The following ITGAV variants were observed in gnomAD, a reference collection of about 807,000 sequenced individuals.
The protein encoded by ITGAV is integrin subunit alpha V.
ITGAV carries 76 observed loss-of-function variants against 143.8 expected under a neutral mutation model. The observed-to-expected ratio is 0.53, with a 90% confidence interval of 0.44 to 0.64. The LOEUF (loss-of-function observed/expected upper bound fraction) is 0.64, where lower values mean the gene tolerates loss of function less well. Among genes scored for constraint, ITGAV ranks in the 30% least tolerant of loss-of-function variants. The probability of loss-of-function intolerance (pLI) is 0.00; values close to 1 mark genes in which losing one functional copy is unlikely to be tolerated. For missense variants in ITGAV, 1,193 were observed against 1,274.7 expected, an observed-to-expected ratio of 0.94 and a Z score of 0.98; for synonymous variants, 453 against 446.7, an observed-to-expected ratio of 1.01 and a Z score of -0.18.
Position 186,635,528 on chromosome 2 carries a change from T to C in ITGAV, c.632-554T>C, listed in dbSNP as rs189140901. Among the ~76,000 whole-genome samples the C allele has an allele frequency of 3.4e-3, 514 of 152,292 alleles. 1 individual carries two copies. The highest frequency in any genetic ancestry group is 6.8e-3 in the Middle Eastern group (2 of 294). ...ATGATAAGAGATTACTGTGTCCATA[T>C]TGTGGAGACAACACTTGATAAACCA... On this transcript the variant is annotated intron_variant, in intron 6 of 29. Transcript: ENST00000261023.
chr2:186,634,650 T>C (rs186687490), intron 6 of ITGAV, among the ~76,000 whole-genome samples: 14 of 152,238 alleles, frequency 9.2e-5, no homozygotes, highest in Middle Eastern at 6.8e-3. Context: ...ATGTGAGACA[T>C]AGCAAAGCTG....
At chr2:186,638,956 C>G (rs1688027486) in intron 10 of ITGAV, among the ~76,000 whole-genome samples, 2 of 144,696 alleles carry the variant, frequency 1.4e-5, no homozygotes, top group Non-Finnish European at 1.5e-5. Context: ...CAAAGACTTC[C>G]TTTTTCTTTA....
chr2:186,637,723 CT>C (rs1255596311), intron 8 of ITGAV, among the ~76,000 whole-genome samples: 1 of 152,132 alleles, frequency 6.6e-6, no homozygotes, highest in Non-Finnish European at 1.5e-5. Flanking sequence ...CATTTTCCTC[CT>C]TGTCTTCAGC....
rs61762239 is a variant in ITGAV, at chr2:186,648,003, G to A, written c.1351+1126G>A. Among the ~76,000 whole-genome samples the A allele has an allele frequency of 9.8e-3, 1,492 of 152,178 alleles. 22 individuals carry two copies. The highest frequency in any genetic ancestry group is 0.034 in the African/African-American group (1,419 of 41,522). ...ATCTTTTCAATGTTTTTCCTGTGCA[G>A]TCACACACATTTTTTTAAAAAGGAA... is the stretch of plus-strand genomic sequence containing the variant. On this transcript the variant is annotated intron_variant, in intron 13 of 29. Coordinates refer to ENST00000261023, the MANE Select transcript of ITGAV (RefSeq NM_002210.5).
At chr2:186,613,318 G>A (rs1221749865) in intron 2 of ITGAV, among the ~76,000 whole-genome samples, 1 of 152,124 alleles carries the variant, frequency 6.6e-6, no homozygotes, top group Non-Finnish European at 1.5e-5. Flanking sequence ...AGGACCACTG[G>A]AATTGCTCAT....
At position 186,590,494 on chromosome 2, in the gene ITGAV, C is replaced by T. The variant is rs61763606; in HGVS notation, c.156C>T (p.Ala52=). The change falls in exon 1 of 30, where the codon GCC becomes GCT. Residue 52 remains alanine, a synonymous_variant. Coordinates refer to ENST00000261023, the MANE Select transcript of ITGAV (RefSeq NM_002210.5). The part of the protein sequence containing the change: ...SGPEGSYFGF[A]VDFFVPSASS... ...CCGAGGGAAGTTACTTCGGCTTCGC[C>T]GTGGATTTCTTCGTGCCCAGCGCGT... is the stretch of plus-strand genomic sequence containing the variant. 6.2e-6 allele frequency: 10 copies of T among 1,610,970 alleles called. No homozygotes were observed. The highest frequency in any genetic ancestry group is 2.2e-5 in the East Asian group (1 of 44,472).
intron 1 of ITGAV, chr2:186,600,186 C>T (rs1327286527): frequency 1.5e-6 from 1 of 679,850 alleles, no homozygotes; most frequent in African/African-American, 1.8e-5. Flanking sequence ...GGCTTGTCCC[C>T]TCCTTCAGCC....
chr2:186,590,162 G>A lies in ITGAV; in HGVS notation c.-177G>A. Reference sequence around the variant, plus strand: ...GCGCTCTGCGCCCCTCGTCCCTGGCGGTCGCTCCGAAGCTCAGCCCTCTTG... The same window carrying A: ...GCGCTCTGCGCCCCTCGTCCCTGGCAGTCGCTCCGAAGCTCAGCCCTCTTG... On this transcript the variant is annotated 5_prime_UTR_variant, in exon 1 of 30. Transcript: ENST00000261023. 2 of 469,368 alleles carry A rather than the reference G, an allele frequency of 4.3e-6. No individual in the cohort carries two copies. The highest frequency in any genetic ancestry group is 3.5e-6 in the Non-Finnish European group (1 of 283,638). 29.1% of individuals were successfully genotyped at this position (469,368 alleles called of 1,614,324 possible).
At chr2:186,593,271 T>C (rs1686663758) in intron 1 of ITGAV, among the ~76,000 whole-genome samples, 1 of 152,158 alleles carries the variant, frequency 6.6e-6, no homozygotes, top group African/African-American at 2.4e-5. Flanking sequence ...AAATTATTAT[T>C]GAATTATCTG....
intron 2 of ITGAV, among the ~76,000 whole-genome samples, chr2:186,611,817 T>G (rs1347593482): frequency 6.6e-6 from 1 of 152,124 alleles, no homozygotes; most frequent in African/African-American, 2.4e-5. Flanking sequence ...ATGCCTGTAA[T>G]CCCAGCACTT....
chr2:186,607,062 T>C (rs1265272795), intron 2 of ITGAV, among the ~76,000 whole-genome samples: 1 of 152,148 alleles, frequency 6.6e-6, no homozygotes, highest in African/African-American at 2.4e-5. Flanking sequence ...TAGACAGACA[T>C]GGGCTCAAAT....
At chr2:186,648,989 TG>T (rs1688345675) in intron 13 of ITGAV, among the ~76,000 whole-genome samples, 1 of 9,008 alleles carries the variant, frequency 1.1e-4, no homozygotes, top group Non-Finnish European at 4.7e-4. Context: ...TATACATTTG[TG>T]TGTATATATA....
chr2:186,595,542 T>C (rs1686727885), intron 1 of ITGAV, among the ~76,000 whole-genome samples: 1 of 152,184 alleles, frequency 6.6e-6, no homozygotes, highest in Non-Finnish European at 1.5e-5. Context: ...TCTTTTTCCT[T>C]TCCTCTATCT....
At position 186,590,320 on chromosome 2, in the gene ITGAV, T is replaced by A. The variant is rs1379349629; in HGVS notation, c.-19T>A. On this transcript the variant is annotated 5_prime_UTR_variant, in exon 1 of 30. Transcript: ENST00000261023. ...GGTGGCTACCGCTCCCGGCTTGGCG[T>A]CCCGCGCGCACTTCGGCGATGGCTT... 5.1e-6 allele frequency: 8 copies of A among 1,553,506 alleles called. No individual in the cohort carries two copies. Among genetic ancestry groups the A allele is most frequent in the Non-Finnish European group, 5.2e-6 (6 of 1,153,722 alleles).
In ITGAV at chr2:186,590,523, C is replaced by T. The variant is rs753592949; in HGVS notation, c.185C>T (p.Ser62Phe). The change falls in exon 1 of 30, where the codon TCC becomes TTC. Residue 62 changes from serine (S) to phenylalanine (F), a missense_variant and splice_region_variant. Physicochemically the swap from Ser to Phe is radical, Grantham distance 155. Transcript: ENST00000261023. ...GATTTCTTCGTGCCCAGCGCGTCTT[C>T]GTAAGTGGCCGCACTTGGAACTGGA... The part of the protein sequence containing the change: ...AVDFFVPSAS[S>F]RMFLLVGAPK... 6.2e-7 allele frequency: 1 copy of T among 1,610,232 alleles called. No individual in the cohort carries two copies. Among genetic ancestry groups the T allele is most frequent in the Admixed American group, 1.7e-5 (1 of 59,704 alleles).
At chr2:186,657,216 A>G (rs1184788380) in intron 17 of ITGAV, among the ~76,000 whole-genome samples, 2 of 152,164 alleles carry the variant, frequency 1.3e-5, no homozygotes, top group East Asian at 1.9e-4. Context: ...GTGAGACTCT[A>G]TTTTATTTAA....
intron 29 of ITGAV, 82 bp from the exon 30 acceptor site, chr2:186,677,115 A>G (rs965319664): frequency 7.7e-7 from 1 of 1,297,358 alleles, no homozygotes; most frequent in Non-Finnish European, 1.1e-6. Context: ...AAATGTTCTT[A>G]GTGGTAATAT....
chr2:186,610,711 T>C (rs1459312085), intron 2 of ITGAV, among the ~76,000 whole-genome samples: 1 of 152,194 alleles, frequency 6.6e-6, no homozygotes, highest in Non-Finnish European at 1.5e-5. Flanking sequence ...AAACAGTTAT[T>C]TTGGGTATGA....
chr2:186,590,145 C>T lies in ITGAV; in HGVS notation c.-194C>T, dbSNP rs1686569213. ...TGCTGTCCCCGCCCCGCGCGCTCTG[C>T]GCCCCTCGTCCCTGGCGGTCGCTCC... On this transcript the variant is annotated 5_prime_UTR_variant, in exon 1 of 30. Coordinates refer to ENST00000261023, the MANE Select transcript of ITGAV (RefSeq NM_002210.5). The T allele has an allele frequency of 2.3e-6, 1 of 443,334 alleles. No homozygotes were observed. Among genetic ancestry groups the T allele is most frequent in the Non-Finnish European group, 3.8e-6 (1 of 260,638 alleles). The allele number at this position is 443,334 out of a possible 1,614,324, so 27.5% of individuals were successfully genotyped here.
Sources: gnomAD v4.1 joint callset for allele counts (sites outside exome capture counted in the v4.1 genomes callset) on GRCh38, gnomAD v4.1.1 for gene constraint, MANE v1.5 for transcripts, NCBI Gene and HGNC (gene_info 2026-07-23, HGNC 2026-07-21) for gene names.